Variants in INSYN2A observed in about 807,000 individuals in gnomAD.
INSYN2A encodes family with sequence similarity 196 member A.
In INSYN2A, 17 loss-of-function variants were observed where a neutral mutation model predicts 39.4. The observed-to-expected ratio is 0.43, with a 90% CI of 0.30 to 0.65. The LOEUF is 0.65. Ranked by LOEUF, INSYN2A falls within the 30% of genes least tolerant of loss-of-function variation. INSYN2A has a pLI of 0.14. For synonymous variants in INSYN2A, 255 were observed against 265.7 expected, an observed-to-expected ratio of 0.96 and a Z score of 0.39; for missense variants, 595 against 631.2, an observed-to-expected ratio of 0.94 and a Z score of 0.61.
chr10:127,189,705 A>G (rs1455051407), intron 2 of INSYN2A, among the ~76,000 whole-genome samples: 2 of 152,196 alleles, frequency 1.3e-5, no homozygotes, highest in African/African-American at 4.8e-5. Context: ...AGTGAACAGC[A>G]TATTTTCAGC....
intron 4 of INSYN2A, among the ~76,000 whole-genome samples, chr10:127,161,579 C>T (rs1296840329): frequency 1.3e-5 from 2 of 152,236 alleles, no homozygotes; most frequent in Admixed American, 6.5e-5. Context: ...GGAGTACTGC[C>T]TCTGTTCTCC....
intron 4 of INSYN2A, among the ~76,000 whole-genome samples, chr10:127,160,095 A>G (rs2133644692): frequency 6.6e-6 from 1 of 152,078 alleles, no homozygotes; most frequent in South Asian, 2.1e-4. Context: ...CTCTGAGGCA[A>G]TCATAACAAA....
At position 127,137,085 on chromosome 10, in the gene INSYN2A, T is replaced by A. The variant is rs2050764782; in HGVS notation, c.*752A>T. On this transcript the variant is annotated 3_prime_UTR_variant, in exon 6 of 6. Transcript: ENST00000522781. ...CTAAGAAAACTTAGTGTCCAATAGCTCTGACCCTGTCTACTTGCAGTGATT... is the reference window on the plus strand; with the variant it reads ...CTAAGAAAACTTAGTGTCCAATAGCACTGACCCTGTCTACTTGCAGTGATT... 1 of 152,636 alleles carries A rather than the reference T, an allele frequency of 6.6e-6. No individual in the cohort carries two copies. The highest frequency in any genetic ancestry group is 1.5e-5 in the Non-Finnish European group (1 of 68,038). 9.5% of individuals were successfully genotyped at this position (152,636 alleles called of 1,614,324 possible). A position where few individuals can be genotyped will look rare whatever the true frequency, so the allele number is the denominator to read the frequency against.
chr10:127,166,631 T>A (rs1017598602), intron 4 of INSYN2A, among the ~76,000 whole-genome samples: 1 of 152,232 alleles, frequency 6.6e-6, no homozygotes, highest in Admixed American at 6.5e-5. Flanking sequence ...AGGTGACCTC[T>A]GTAGGTCATC....
intron 2 of INSYN2A, among the ~76,000 whole-genome samples, chr10:127,178,591 C>G (rs1457661045): frequency 6.6e-6 from 1 of 152,192 alleles, no homozygotes; most frequent in Non-Finnish European, 1.5e-5. Context: ...TTCGATTATC[C>G]TATAGTGTGT....
intron 4 of INSYN2A, among the ~76,000 whole-genome samples, chr10:127,173,984 C>T (rs1383869486): frequency 6.6e-6 from 1 of 152,218 alleles, no homozygotes; most frequent in East Asian, 1.9e-4. Context: ...CAGGACCTGC[C>T]CCAGCCTCTC....
intron 2 of INSYN2A, among the ~76,000 whole-genome samples, chr10:127,186,749 G>A (rs1250963594): frequency 6.6e-6 from 1 of 152,034 alleles, no homozygotes; most frequent in Non-Finnish European, 1.5e-5. Context: ...CCACACTGCT[G>A]TTGTCCATTG....
intron 2 of INSYN2A, among the ~76,000 whole-genome samples, chr10:127,180,207 G>A (rs2055595665): frequency 6.6e-6 from 1 of 152,202 alleles, no homozygotes; most frequent in Non-Finnish European, 1.5e-5. Flanking sequence ...TGCTGGTTAG[G>A]CAAGGACATC....
intron 2 of INSYN2A, among the ~76,000 whole-genome samples, chr10:127,188,601 C>T (rs566448452): frequency 2.7e-4 from 41 of 152,278 alleles, no homozygotes; most frequent in Admixed American, 2.2e-3. Flanking sequence ...GGTTTGCTAA[C>T]GTGGTTAATT....
intron 4 of INSYN2A, among the ~76,000 whole-genome samples, chr10:127,167,863 C>A (rs1019754089): frequency 2.6e-5 from 4 of 152,226 alleles, no homozygotes; most frequent in Non-Finnish European, 5.9e-5. Context: ...GCAAGAAAAT[C>A]TCTTCCCTGT....
At chr10:127,143,616 A>ATT (rs1564837243) in intron 5 of INSYN2A, among the ~76,000 whole-genome samples, 1 of 152,180 alleles carries the variant, frequency 6.6e-6, no homozygotes, top group Non-Finnish European at 1.5e-5. Context: ...AAGCACAACA[A>ATT]TTTATGTCAA....
intron 4 of INSYN2A, among the ~76,000 whole-genome samples, chr10:127,174,402 G>C (rs762771012): frequency 2.4e-4 from 36 of 152,216 alleles, no homozygotes; most frequent in Non-Finnish European, 3.7e-4. Flanking sequence ...ATGCCGGCCT[G>C]TAGGAGGCTT....
At chr10:127,195,698 G>A (rs1223312828) in intron 1 of INSYN2A, among the ~76,000 whole-genome samples, 1 of 152,000 alleles carries the variant, frequency 6.6e-6, no homozygotes, top group Non-Finnish European at 1.5e-5. Context: ...AACCCACATC[G>A]CAGAGGCGCA....
intron 4 of INSYN2A, among the ~76,000 whole-genome samples, chr10:127,168,479 C>G (rs1156866323): frequency 6.6e-6 from 1 of 152,176 alleles, no homozygotes; most frequent in Non-Finnish European, 1.5e-5. Context: ...TGCATCTGGC[C>G]AGAGCCAGGG....
chr10:127,176,314 T>C lies in INSYN2A; in HGVS notation c.82A>G (p.Met28Val). Residue 28 changes from methionine to valine, a missense_variant, in exon 4 of 6, where the codon ATG becomes GTG. By Grantham distance (21) the Met-to-Val change is conservative (BLOSUM62 1). Transcript: ENST00000522781. This position sits in a 1 kb window ranked among gnomAD's most constrained non-coding sequence, Gnocchi z 4.4. ...VEPAACLALE[M>V]KYALDPNRQI... is the part of the protein sequence containing the mutation. The stretch of plus-strand genomic sequence containing the variant: ...CGGTTGGGGTCCAGGGCGTATTTCA[T>C]CTCCAGGGCCAGGCAGGCGGCGGGT... 1 of 1,614,076 alleles carries C rather than the reference T, an allele frequency of 6.2e-7. No homozygotes were observed. Among genetic ancestry groups the C allele is most frequent in the Non-Finnish European group, 8.5e-7 (1 of 1,180,022 alleles).
intron 5 of INSYN2A, among the ~76,000 whole-genome samples, chr10:127,149,814 T>C (rs2052313967): frequency 6.6e-6 from 1 of 152,182 alleles, no homozygotes; most frequent in East Asian, 1.9e-4. Context: ...GAAATTCCTT[T>C]AAGCTACCCA....
chr10:127,165,086 A>G (rs2053958139), intron 4 of INSYN2A, among the ~76,000 whole-genome samples: 1 of 152,324 alleles, frequency 6.6e-6, no homozygotes, highest in South Asian at 2.1e-4. Context: ...TATTAAACCA[A>G]ATTTTCCTTC....
chr10:127,178,478 T>C (rs1386544904), intron 2 of INSYN2A, among the ~76,000 whole-genome samples: 1 of 152,088 alleles, frequency 6.6e-6, no homozygotes, highest in Non-Finnish European at 1.5e-5. Context: ...GTGTGACAAC[T>C]AGAAATGTCT....
At chr10:127,144,909 C>G (rs969084713) in intron 5 of INSYN2A, among the ~76,000 whole-genome samples, 5 of 152,168 alleles carry the variant, frequency 3.3e-5, no homozygotes. Flanking sequence ...GATCTGTCCC[C>G]TTTTCCTGGT....
Sources: gnomAD v4.1 joint callset for allele counts (sites outside exome capture counted in the v4.1 genomes callset) on GRCh38, gnomAD v4.1.1 for gene constraint, Gnocchi (gnomAD v3.1) non-coding constraint, MANE v1.5 for transcripts, NCBI Gene and HGNC (gene_info 2026-07-23, HGNC 2026-07-21) for gene names.